SNTG1: variants seen among roughly 807,000 people sequenced by gnomAD.
The protein encoded by SNTG1 is syntrophin gamma 1, also known as gamma-1-syntrophin.
A neutral mutation model predicts 74.7 loss-of-function variants in SNTG1; 39 were observed. The observed-to-expected ratio is 0.52, with a 90% CI of 0.40 to 0.68. The LOEUF is 0.68. Among genes scored for constraint, SNTG1 ranks in the 30% least tolerant of loss-of-function variants. The pLI is 0.00. For missense variants in SNTG1, 685 were observed against 609.5 expected (o/e 1.12, Z -1.30); for synonymous variants, 254 against 217.1 (o/e 1.17, Z -1.49).
At chr8:50,790,456 T>C (rs2095687725) in intron 18 of SNTG1, among the ~76,000 whole-genome samples, 1 of 151,926 alleles carries the variant, frequency 6.6e-6, no homozygotes, top group South Asian at 2.1e-4. Context: ...TGGTGGAAGC[T>C]GTCGGTGGAT....
intron 5 of SNTG1, among the ~76,000 whole-genome samples, chr8:50,444,764 A>AAAAAAAAAAAAAAAAAG (rs71233494): frequency 1.4e-5 from 2 of 140,240 alleles, no homozygotes; most frequent in African/African-American, 2.7e-5. Flanking sequence ...AAAAAAAAAA[A>AAAAAAAAAAAAAAAAAG]AAAGAAAGAG....
chr8:50,673,967 G>A (rs965720041), intron 15 of SNTG1, among the ~76,000 whole-genome samples: 9 of 151,790 alleles, frequency 5.9e-5, no homozygotes, highest in Non-Finnish European at 1.2e-4. Flanking sequence ...CTGTCAATGT[G>A]ATGAACACAT....
intron 12 of SNTG1, among the ~76,000 whole-genome samples, chr8:50,561,141 A>G (rs2094485616): frequency 6.6e-6 from 1 of 152,042 alleles, no homozygotes; most frequent in South Asian, 2.1e-4. Flanking sequence ...TGCTGTTCTC[A>G]TGATAGTGAG....
At chr8:50,081,900 G>A (rs1822449839) in intron 1 of SNTG1, among the ~76,000 whole-genome samples, 1 of 152,164 alleles carries the variant, frequency 6.6e-6, no homozygotes, top group Admixed American at 6.5e-5. Flanking sequence ...CAAAGTGCTA[G>A]GATTACAGGC....
chr8:50,689,867 C>G (rs1203285918), intron 15 of SNTG1, among the ~76,000 whole-genome samples: 1 of 152,144 alleles, frequency 6.6e-6, no homozygotes, highest in East Asian at 1.9e-4. Flanking sequence ...GGCTGTGAAT[C>G]CATTTGGTCC....
At chr8:50,132,906 T>C (rs1360250642) in intron 1 of SNTG1, among the ~76,000 whole-genome samples, 3 of 152,150 alleles carry the variant, frequency 2.0e-5, no homozygotes, top group Admixed American at 6.6e-5. Flanking sequence ...GAGAGGTTTG[T>C]GGACTGGATC....
At chr8:50,329,150 G>C (rs2090863674) in intron 2 of SNTG1, among the ~76,000 whole-genome samples, 1 of 152,282 alleles carries the variant, frequency 6.6e-6, no homozygotes, top group Admixed American at 6.5e-5. Flanking sequence ...TGGCACTGCA[G>C]GGTTCAACCT....
chr8:50,459,444 A>T (rs1185791268), intron 8 of SNTG1, among the ~76,000 whole-genome samples: 3 of 152,174 alleles, frequency 2.0e-5, no homozygotes, highest in Admixed American at 6.6e-5. Context: ...AAATATTCGA[A>T]TATATATTTA....
At chr8:50,139,606 A>T (rs572501670) in intron 1 of SNTG1, among the ~76,000 whole-genome samples, 15 of 152,242 alleles carry the variant, frequency 9.9e-5, no homozygotes, top group Non-Finnish European at 1.9e-4. Flanking sequence ...AACTTAAAAG[A>T]CTAGAAAGAC....
rs564488768 is a variant in SNTG1 at position 50,075,095 on chromosome 8, C to T, written c.-102-97466C>T. On this transcript the variant is annotated intron_variant, in intron 1 of 18. Coordinates refer to ENST00000642720, the MANE Select transcript of SNTG1 (RefSeq NM_018967.5). ...TTTTCACCAGGCCTCAGCCGCCTCC[C>T]TGAAAAGTAGGACTCAGGGCCTGCA... Among the ~76,000 whole-genome samples the T allele has an allele frequency of 1.4e-3, 217 of 152,326 alleles. 1 individual carries two copies. The highest frequency in any genetic ancestry group is 5.0e-3 in the African/African-American group (208 of 41,588).
chr8:50,783,759 TG>T (rs1233159976), intron 18 of SNTG1, among the ~76,000 whole-genome samples: 1 of 152,186 alleles, frequency 6.6e-6, no homozygotes, highest in Non-Finnish European at 1.5e-5. Flanking sequence ...GTACCTCACA[TG>T]GAAATGCAGA....
chr8:49,915,633 ATGTCG>A (rs1805962132), intron 1 of SNTG1, among the ~76,000 whole-genome samples: 1 of 152,190 alleles, frequency 6.6e-6, no homozygotes, highest in South Asian at 2.1e-4. Context: ...AGAATCTATC[ATGTCG>A]TGTCATAATT....
chr8:49,982,934 T>C (rs1001854646), intron 1 of SNTG1, among the ~76,000 whole-genome samples: 1 of 152,200 alleles, frequency 6.6e-6, no homozygotes, highest in Non-Finnish European at 1.5e-5. Context: ...TGTAAAGTTA[T>C]TGATTTTTAA....
chr8:50,639,220 T>TA (rs33934276), intron 13 of SNTG1, among the ~76,000 whole-genome samples: 92,520 of 147,862 alleles, frequency 0.63, 28,973 homozygotes, highest in Non-Finnish European at 0.67. Context: ...GCTTTTCAGT[T>TA]AAAAAAAAAA....
chr8:50,078,006 A>T (rs1217794772), intron 1 of SNTG1, among the ~76,000 whole-genome samples: 3 of 152,190 alleles, frequency 2.0e-5, no homozygotes, highest in Admixed American at 2.0e-4. Flanking sequence ...CTATATGTAC[A>T]TATATGGATA....
At chr8:50,001,869 C>G (rs1405790138) in intron 1 of SNTG1, among the ~76,000 whole-genome samples, 2 of 152,074 alleles carry the variant, frequency 1.3e-5, no homozygotes, top group Non-Finnish European at 2.9e-5. Context: ...ATACAACCTT[C>G]TTAGGAAGAA....
At chr8:50,464,744 A>C (rs563562921) in intron 8 of SNTG1, among the ~76,000 whole-genome samples, 2 of 152,094 alleles carry the variant, frequency 1.3e-5, no homozygotes, top group East Asian at 3.9e-4. Context: ...GTCTCAAAAA[A>C]CAAACAAACA....
At chr8:50,359,453 A>T (rs1397848924) in intron 2 of SNTG1, among the ~76,000 whole-genome samples, 2 of 152,174 alleles carry the variant, frequency 1.3e-5, no homozygotes, top group African/African-American at 4.8e-5. Context: ...CTGGCCTTGC[A>T]CTATAAAACA....
At chr8:50,317,950 C>G (rs2090374540) in intron 2 of SNTG1, among the ~76,000 whole-genome samples, 1 of 152,162 alleles carries the variant, frequency 6.6e-6, no homozygotes, top group Non-Finnish European at 1.5e-5. Flanking sequence ...CATTCTCCTG[C>G]CTCAGCATCC....
Sources: gnomAD v4.1 joint callset for allele counts (sites outside exome capture counted in the v4.1 genomes callset) on GRCh38, gnomAD v4.1.1 for gene constraint, MANE v1.5 for transcripts, NCBI Gene and HGNC (gene_info 2026-07-23, HGNC 2026-07-21) for gene names.